PFKFB3: variants seen among roughly 807,000 people sequenced by gnomAD.
The protein encoded by PFKFB3 is 6-phosphofructo-2-kinase/fructose-2,6-bisphosphatase 3.
In PFKFB3, 33 loss-of-function variants were observed where a neutral mutation model predicts 68.0. The observed-to-expected ratio is 0.49, with a 90% CI of 0.37 to 0.65. The LOEUF (loss-of-function observed/expected upper bound fraction) is 0.65, where lower values mean the gene tolerates loss of function less well. PFKFB3 is among the 30% of genes least tolerant of loss of function. The pLI is 0.00. For synonymous variants in PFKFB3, 315 were observed against 288.2 expected, an observed-to-expected ratio of 1.09 and a Z score of -0.94; for missense variants, 586 against 712.2, an observed-to-expected ratio of 0.82 and a Z score of 2.02.
intron 1 of PFKFB3, among the ~76,000 whole-genome samples, chr10:6,206,604 G>C (rs1843733488): frequency 6.6e-6 from 1 of 150,456 alleles, no homozygotes; most frequent in Non-Finnish European, 1.5e-5. Context: ...CTCCCTCCCG[G>C]ACGGGGTGGC....
chr10:6,178,849 G>C (rs1278392694), intron 1 of PFKFB3, among the ~76,000 whole-genome samples: 4 of 152,190 alleles, frequency 2.6e-5, no homozygotes, highest in Non-Finnish European at 5.9e-5. Context: ...GGCTGAGCCG[G>C]GACGCAGCGC....
chr10:6,258,545 A>C (rs1002611726), downstream of PFKFB3, among the ~76,000 whole-genome samples: 2 of 152,192 alleles, frequency 1.3e-5, no homozygotes, highest in African/African-American at 4.8e-5. Flanking sequence ...TCTGCAATTA[A>C]ACATAATACT....
At chr10:6,286,073 G>C in the PFKFB3 span, among the ~76,000 whole-genome samples, 1 of 148,302 alleles carries the variant, frequency 6.7e-6, no homozygotes, top group African/African-American at 2.5e-5. Flanking sequence ...CACCTCCCGG[G>C]TTCACGCCAT....
the PFKFB3 span, among the ~76,000 whole-genome samples, chr10:6,269,668 G>A: frequency 6.6e-6 from 1 of 152,092 alleles, no homozygotes; most frequent in Non-Finnish European, 1.5e-5. Flanking sequence ...GTGGAGAGAG[G>A]AGGCAGTAAG....
At chr10:6,305,185 ATT>A in the PFKFB3 span, among the ~76,000 whole-genome samples, 5 of 99,404 alleles carry the variant, frequency 5.0e-5, no homozygotes, top group African/African-American at 8.4e-5. Context: ...AATATTAGGA[ATT>A]TTTTTTTTTT....
chr10:6,253,549 G>A (rs1198410567), intron 14 of PFKFB3, among the ~76,000 whole-genome samples: 1 of 152,156 alleles, frequency 6.6e-6, no homozygotes, highest in Non-Finnish European at 1.5e-5. Context: ...GTGCCAGCGG[G>A]GGACGGGGGT....
At chr10:6,214,417 C>G (rs1031609340) in intron 2 of PFKFB3, among the ~76,000 whole-genome samples, 2 of 152,078 alleles carry the variant, frequency 1.3e-5, no homozygotes, top group African/African-American at 4.8e-5. Flanking sequence ...TCCCTGGTGC[C>G]AAAAAGGATG....
chr10:6,284,583 A>C, the PFKFB3 span, among the ~76,000 whole-genome samples: 1 of 152,174 alleles, frequency 6.6e-6, no homozygotes, highest in African/African-American at 2.4e-5. Flanking sequence ...TTATTTTGGC[A>C]TAATATACAC....
intron 1 of PFKFB3, among the ~76,000 whole-genome samples, chr10:6,190,802 A>G (rs1356199828): frequency 6.6e-6 from 1 of 152,092 alleles, no homozygotes; most frequent in South Asian, 2.1e-4. Flanking sequence ...TTTCGGAGAT[A>G]GGGTCTTGCT....
intron 14 of PFKFB3, 48 bp downstream of exon 14, chr10:6,226,413 G>T (rs376795459): frequency 6.5e-6 from 10 of 1,540,788 alleles, no homozygotes; most frequent in Non-Finnish European, 8.8e-6. Flanking sequence ...CATGCCGGGC[G>T]TGATGCCACA....
exon 1 of PFKFB3, chr10:6,144,963 C>A (rs907439986): frequency 1.6e-6 from 2 of 1,273,440 alleles, no homozygotes; most frequent in Non-Finnish European, 2.0e-6. Context: ...GTCTGGGTGT[C>A]GCGGGCCGGC....
At chr10:6,230,013 G>C (rs1351614400) in intron 14 of PFKFB3, among the ~76,000 whole-genome samples, 1 of 152,176 alleles carries the variant, frequency 6.6e-6, no homozygotes, top group Non-Finnish European at 1.5e-5. Context: ...CCAGGGGTTA[G>C]GGACCCCTGC....
the PFKFB3 span, among the ~76,000 whole-genome samples, chr10:6,307,776 T>A: frequency 6.6e-6 from 1 of 152,170 alleles, no homozygotes; most frequent in African/African-American, 2.4e-5. Context: ...GGGGTTTGAA[T>A]GGGTCACCCA....
intron 1 of PFKFB3, among the ~76,000 whole-genome samples, chr10:6,186,155 A>T (rs648814): frequency 0.67 from 101,167 of 152,046 alleles, 33,976 homozygotes; most frequent in Middle Eastern, 0.72. Flanking sequence ...TTTTATTTTA[A>T]TATTAATATT....
At chr10:6,273,067 CA>C in the PFKFB3 span, among the ~76,000 whole-genome samples, 1 of 129,896 alleles carries the variant, frequency 7.7e-6, no homozygotes, top group Non-Finnish European at 1.5e-5. Flanking sequence ...AGTGCAGTGG[CA>C]TGATTTCAGC....
At chr10:6,236,351 A>G (rs187836348), downstream of PFKFB3, among the ~76,000 whole-genome samples, 3 of 152,302 alleles carry the variant, frequency 2.0e-5, no homozygotes, top group Non-Finnish European at 4.4e-5. Flanking sequence ...AGCGTGGCAA[A>G]CACCATGCGT....
At chr10:6,318,980 C>T in the PFKFB3 span, among the ~76,000 whole-genome samples, 4 of 152,134 alleles carry the variant, frequency 2.6e-5, no homozygotes, top group African/African-American at 9.7e-5. Context: ...TTTTCCCATA[C>T]CCTAACACGG....
the PFKFB3 span, among the ~76,000 whole-genome samples, chr10:6,322,200 G>A: frequency 1.3e-5 from 2 of 152,030 alleles, no homozygotes; most frequent in South Asian, 2.1e-4. Flanking sequence ...TCTGTAGCTC[G>A]ACCTTGTCAC....
At chr10:6,191,662 T>A (rs1042530788) in intron 1 of PFKFB3, among the ~76,000 whole-genome samples, 2 of 152,204 alleles carry the variant, frequency 1.3e-5, no homozygotes, top group African/African-American at 4.8e-5. Context: ...GAAGTCCCTC[T>A]GGAATGGTTT....
Sources: allele counts gnomAD v4.1 joint callset (sites outside exome capture counted in the v4.1 genomes callset), GRCh38; gene constraint gnomAD v4.1.1; transcripts MANE v1.5; gene names NCBI Gene and HGNC (gene_info 2026-07-23, HGNC 2026-07-21).